Variants in AGBL1 observed in about 807,000 individuals in gnomAD.
AGBL1 encodes cytosolic carboxypeptidase 4.
In AGBL1, 130 loss-of-function variants were observed where a neutral mutation model predicts 118.9. The ratio of observed to expected loss-of-function variants is 1.09; its 90% confidence interval spans 0.95 to 1.26. AGBL1 has a LOEUF of 1.26. AGBL1 is among the 50% of genes most tolerant of loss of function. AGBL1 has a pLI of 0.00. For synonymous variants in AGBL1, 555 were observed against 478.9 expected (o/e 1.16, Z -2.08); for missense variants, 1,584 against 1,298.1 (o/e 1.22, Z -3.38).
rs574113136 is a variant in AGBL1 at position 86,499,657 on chromosome 15, T to A, written c.2556-23153T>A. Among the ~76,000 whole-genome samples the A allele has an allele frequency of 1.2e-4, 18 of 152,056 alleles. No individual in the cohort carries two copies. In the South Asian group the frequency reaches 3.7e-3, roughly 31 times the overall value. ...ACTAATTAGTATTACAGTTCAATTCTGGACTGGTCCCATAGAATGAGGTTT... is the reference window on the plus strand; with the variant it reads ...ACTAATTAGTATTACAGTTCAATTCAGGACTGGTCCCATAGAATGAGGTTT... On this transcript the variant is annotated intron_variant, in intron 18 of 22. Transcript: ENST00000614907.
At chr15:86,545,923 G>A in intron 19 of AGBL1, 79 bp from the exon 20 acceptor site, 1 of 1,508,322 alleles carries the variant, frequency 6.6e-7, no homozygotes, top group South Asian at 1.2e-5. Context: ...CATGGAACAT[G>A]AGTAGATACG....
At chr15:86,462,915 G>A (rs903581525) in intron 18 of AGBL1, among the ~76,000 whole-genome samples, 2 of 152,140 alleles carry the variant, frequency 1.3e-5, no homozygotes, top group Admixed American at 1.3e-4. Context: ...ATGTGCATGT[G>A]TATTTATAGT....
At position 86,825,080 on chromosome 15, in the gene AGBL1, CAAAA is replaced by C. The variant is rs1012506914; in HGVS notation, c.3159-82004_3159-82001del. 5.9e-5 allele frequency among the ~76,000 whole-genome samples: 9 copies of C among 151,630 alleles called. No homozygotes were observed. The South Asian group carries it at 1.7e-3, about 28-fold the overall frequency. ...TCAAAACAAAAACAAACAAACAAAA[CAAAA>C]AACAAACAGAAAAACAGAATTCAGA... On this transcript the variant is annotated intron_variant, in intron 22 of 22. Coordinates refer to ENST00000614907, the MANE Select transcript of AGBL1 (RefSeq NM_001386094.1).
chr15:86,399,224 C>T (rs1042369682), intron 18 of AGBL1, among the ~76,000 whole-genome samples: 7 of 152,034 alleles, frequency 4.6e-5, no homozygotes, highest in South Asian at 4.2e-4. Flanking sequence ...AGAACTCAGC[C>T]GACTCTTGCT....
intron 22 of AGBL1, among the ~76,000 whole-genome samples, chr15:86,739,172 G>A (rs1173877752): frequency 6.6e-6 from 1 of 151,816 alleles, no homozygotes; most frequent in Non-Finnish European, 1.5e-5. Flanking sequence ...GGCTAGGTGC[G>A]GTGGCTCATG....
intron 18 of AGBL1, among the ~76,000 whole-genome samples, chr15:86,513,962 T>C (rs2083084330): frequency 6.6e-6 from 1 of 152,088 alleles, no homozygotes; most frequent in African/African-American, 2.4e-5. Context: ...GATATTCTTT[T>C]CTTCTGCCCC....
intron 18 of AGBL1, among the ~76,000 whole-genome samples, chr15:86,407,170 T>A (rs1007694532): frequency 4.6e-5 from 7 of 152,184 alleles, no homozygotes; most frequent in African/African-American, 1.7e-4. Context: ...TTTTTTATAT[T>A]TATAACTTCT....
chr15:86,360,382 C>T (rs1424997873), intron 17 of AGBL1, among the ~76,000 whole-genome samples: 10 of 149,892 alleles, frequency 6.7e-5, no homozygotes, highest in African/African-American at 2.5e-4. Flanking sequence ...TTGAACCATC[C>T]TTGCATCCCA....
chr15:86,243,888 C>T (rs1007212621), intron 6 of AGBL1, among the ~76,000 whole-genome samples: 10 of 151,764 alleles, frequency 6.6e-5, no homozygotes, highest in African/African-American at 1.9e-4. Context: ...GGTGTAGTGG[C>T]GTGCACCTGG....
At chr15:86,585,450 G>A (rs1323904803) in intron 21 of AGBL1, among the ~76,000 whole-genome samples, 1 of 152,170 alleles carries the variant, frequency 6.6e-6, no homozygotes, top group African/African-American at 2.4e-5. Context: ...CTGGAGTGCA[G>A]TGGTGTGATA....
At chr15:86,426,672 A>T (rs1288474010) in intron 18 of AGBL1, among the ~76,000 whole-genome samples, 2 of 152,218 alleles carry the variant, frequency 1.3e-5, no homozygotes, top group Non-Finnish European at 2.9e-5. Flanking sequence ...ATATAAATGC[A>T]CACATTAGTT....
In AGBL1 at chr15:86,120,193, G is replaced by C. The variant is rs541253009; in HGVS notation, c.52-21811G>C. ...TTGCTTTCTCCTGCATGTACTTGGG[G>C]CTGTAAGATATGTTGCAATGTTCTT... On this transcript the variant is annotated intron_variant, in intron 1 of 22. Coordinates refer to ENST00000614907, the MANE Select transcript of AGBL1 (RefSeq NM_001386094.1). 2.0e-5 allele frequency among the ~76,000 whole-genome samples: 3 copies of C among 152,232 alleles called. No individual in the cohort carries two copies. The South Asian group carries it at 6.2e-4, about 32-fold the overall frequency.
At chr15:86,934,799 G>A (rs2080647190) in intron 23 of AGBL1, among the ~76,000 whole-genome samples, 1 of 152,096 alleles carries the variant, frequency 6.6e-6, no homozygotes. Context: ...TACATGGTGA[G>A]GAAAATAGTA....
At chr15:86,273,247 G>C (rs573025500) in intron 15 of AGBL1, among the ~76,000 whole-genome samples, 2 of 152,168 alleles carry the variant, frequency 1.3e-5, no homozygotes, top group Admixed American at 6.5e-5. Flanking sequence ...CAAAAGCACA[G>C]CCTTGACCTA....
chr15:86,233,725 G>A (rs1428987270), intron 6 of AGBL1, among the ~76,000 whole-genome samples: 1 of 152,220 alleles, frequency 6.6e-6, no homozygotes, highest in African/African-American at 2.4e-5. Flanking sequence ...AACTAGTGAA[G>A]TTTGACCTGG....
At chr15:87,014,071 C>G (rs1359740036) in intron 24 of AGBL1, among the ~76,000 whole-genome samples, 1 of 152,092 alleles carries the variant, frequency 6.6e-6, no homozygotes, top group Non-Finnish European at 1.5e-5. Flanking sequence ...AAATGATAGA[C>G]ACTTATTATT....
At chr15:86,640,342 A>T (rs1023806726) in intron 21 of AGBL1, among the ~76,000 whole-genome samples, 2 of 152,228 alleles carry the variant, frequency 1.3e-5, no homozygotes, top group Non-Finnish European at 2.9e-5. Flanking sequence ...TTCTGATTGG[A>T]AGAGCAATCA....
chr15:86,251,321 G>C (rs2078812272), intron 7 of AGBL1, among the ~76,000 whole-genome samples: 1 of 152,160 alleles, frequency 6.6e-6, no homozygotes, highest in Non-Finnish European at 1.5e-5. Flanking sequence ...ATGCATCAGA[G>C]TCACCTGGAG....
intron 17 of AGBL1, among the ~76,000 whole-genome samples, chr15:86,318,696 A>AT (rs57988335): frequency 0.23 from 18,751 of 81,492 alleles, 1,666 homozygotes; most frequent in Non-Finnish European, 0.28. Context: ...TTGATCATAG[A>AT]TTTTTTTTTT....
Sources: allele counts gnomAD v4.1 joint callset (sites outside exome capture counted in the v4.1 genomes callset), GRCh38; gene constraint gnomAD v4.1.1; transcripts MANE v1.5; gene names NCBI Gene and HGNC (gene_info 2026-07-23, HGNC 2026-07-21).